The following NAA35 variants were observed in gnomAD, a reference collection of about 807,000 sequenced individuals.
NAA35 encodes the protein MAK10 homolog, amino-acid N-acetyltransferase subunit.
Under a neutral mutation model 101.7 loss-of-function variants are expected in NAA35, and 18 were observed. The ratio of observed to expected loss-of-function variants is 0.18; its 90% CI spans 0.12 to 0.26. The LOEUF is 0.26. Among genes scored for constraint, NAA35 ranks in the 10% least tolerant of loss-of-function variants. The pLI is 1.00. For missense variants in NAA35, 601 were observed against 886.8 expected (o/e 0.68, Z 4.09); for synonymous variants, 267 against 273.1 (o/e 0.98, Z 0.22).
intron 12 of NAA35, 67 bp downstream of exon 12, chr9:85,996,644 C>A: frequency 2.5e-6 from 3 of 1,216,916 alleles, no homozygotes; most frequent in African/African-American, 1.6e-5. Flanking sequence ...AATAATTGTA[C>A]ATATTTATGT....
At chr9:86,014,241 A>G (rs1255009412) in intron 17 of NAA35, 1 of 313,718 alleles carries the variant, frequency 3.2e-6, no homozygotes, top group South Asian at 1.2e-4. Context: ...GTTAAACATC[A>G]AATTGGAATG....
At chr9:86,013,255 C>A in intron 16 of NAA35, 111 bp downstream of exon 16, 1 of 571,302 alleles carries the variant, frequency 1.8e-6, no homozygotes, top group Non-Finnish European at 2.9e-6. Flanking sequence ...CAACATGATC[C>A]ACTTTTCACT....
At chr9:85,994,209 A>G (rs1428535546) in intron 11 of NAA35, among the ~76,000 whole-genome samples, 1 of 152,214 alleles carries the variant, frequency 6.6e-6, no homozygotes, top group African/African-American at 2.4e-5. Flanking sequence ...TAAGTATACA[A>G]TTCACTAGCA....
intron 3 of NAA35, 96 bp downstream of exon 3, chr9:85,956,489 T>A: frequency 4.6e-6 from 3 of 648,630 alleles, no homozygotes; most frequent in Non-Finnish European, 7.2e-6. Flanking sequence ...TGAGTAAATT[T>A]ACGTTTCAAA....
In NAA35 at chr9:85,944,110, G is replaced by A. The variant is rs183405965; in HGVS notation, c.124+1827G>A. Among the ~76,000 whole-genome samples the A allele has an allele frequency of 8.1e-4, 124 of 152,290 alleles. 1 individual carries two copies. Among genetic ancestry groups the A allele is most frequent in the African/African-American group, 8.7e-4 (36 of 41,562 alleles). On this transcript the variant is annotated intron_variant, in intron 2 of 22. Coordinates refer to ENST00000361671, the MANE Select transcript of NAA35 (RefSeq NM_024635.4). ...TCAGTACAGTGGCTTGGACCAAGTAGCTTCTCAGTAAGTAATGTAGTAAGC... is the reference window on the plus strand; with the variant it reads ...TCAGTACAGTGGCTTGGACCAAGTAACTTCTCAGTAAGTAATGTAGTAAGC...
intron 16 of NAA35, 66 bp from the exon 17 acceptor site, chr9:86,013,653 T>G (rs1832064949): frequency 6.9e-7 from 1 of 1,449,830 alleles, no homozygotes; most frequent in East Asian, 2.3e-5. Flanking sequence ...TGTACGTTTT[T>G]TTAAAGTTCT....
chr9:86,007,035 A>G (rs1831675424), intron 13 of NAA35, among the ~76,000 whole-genome samples: 1 of 152,222 alleles, frequency 6.6e-6, no homozygotes, highest in African/African-American at 2.4e-5. Context: ...ATAGCCATTT[A>G]CTATTTCATA....
chr9:85,993,620 G>T (rs368604500), intron 11 of NAA35, among the ~76,000 whole-genome samples: 1 of 152,138 alleles, frequency 6.6e-6, no homozygotes, highest in African/African-American at 2.4e-5. Flanking sequence ...ATATTTTTCA[G>T]ACCATTGAAC....
At chr9:85,985,103 AC>A (rs1196598191) in intron 11 of NAA35, among the ~76,000 whole-genome samples, 1 of 152,236 alleles carries the variant, frequency 6.6e-6, no homozygotes, top group Non-Finnish European at 1.5e-5. Flanking sequence ...ATGAAAAGTT[AC>A]TGCGGCCCAC....
intron 5 of NAA35, among the ~76,000 whole-genome samples, chr9:85,960,642 C>G (rs1829474160): frequency 6.6e-6 from 1 of 152,178 alleles, no homozygotes; most frequent in Non-Finnish European, 1.5e-5. Flanking sequence ...TGTCTCTTTA[C>G]CCCCTCAAAG....
At chr9:86,020,230 A>G (rs1020818665) in intron 21 of NAA35, among the ~76,000 whole-genome samples, 7 of 152,172 alleles carry the variant, frequency 4.6e-5, no homozygotes, top group Non-Finnish European at 7.4e-5. Context: ...TTTAAAAATT[A>G]TATGTACCAT....
At chr9:85,997,362 TA>T (rs940921313) in intron 12 of NAA35, among the ~76,000 whole-genome samples, 1 of 150,650 alleles carries the variant, frequency 6.6e-6, no homozygotes, top group African/African-American at 2.4e-5. Flanking sequence ...TTTTTTTTGA[TA>T]GGGGGTTTCC....
chr9:85,955,602 A>T (rs1829240680), intron 2 of NAA35, among the ~76,000 whole-genome samples: 1 of 151,934 alleles, frequency 6.6e-6, no homozygotes, highest in Admixed American at 6.6e-5. Flanking sequence ...TGACCTCGTG[A>T]TCCACCCGCC....
At chr9:85,954,665 A>C (rs918887855) in intron 2 of NAA35, among the ~76,000 whole-genome samples, 18 of 152,168 alleles carry the variant, frequency 1.2e-4, no homozygotes, top group African/African-American at 3.9e-4. Flanking sequence ...TGAAGAGTAC[A>C]TGATTAGTTT....
intron 2 of NAA35, among the ~76,000 whole-genome samples, chr9:85,943,571 CAGTG>C (rs1400896326): frequency 6.6e-6 from 1 of 152,076 alleles, no homozygotes; most frequent in Non-Finnish European, 1.5e-5. Context: ...TTTATAGCCT[CAGTG>C]AGACAGTGGA....
At chr9:85,941,616 G>A in intron 1 of NAA35, 1 of 986,392 alleles carries the variant, frequency 1.0e-6, no homozygotes, top group Non-Finnish European at 1.2e-6. Flanking sequence ...GTGTGCCTCG[G>A]CCCTAGGCCC....
At chr9:85,989,380 A>C (rs144369313) in intron 11 of NAA35, among the ~76,000 whole-genome samples, 2,133 of 152,266 alleles carry the variant, frequency 0.014, 47 homozygotes, top group African/African-American at 0.047. Flanking sequence ...TTGAGGCAGG[A>C]GAATCGCTTG....
intron 2 of NAA35, 59 bp from the exon 3 acceptor site, chr9:85,956,301 C>A: frequency 1.9e-6 from 2 of 1,044,848 alleles, no homozygotes; most frequent in Admixed American, 2.8e-5. Context: ...TCTTTTTTTT[C>A]TTAGAATTAA....
At chr9:86,007,613 T>C (rs1831705755) in intron 14 of NAA35, 149 bp downstream of exon 14, 1 of 546,310 alleles carries the variant, frequency 1.8e-6, no homozygotes, top group African/African-American at 1.9e-5. Context: ...AATTGATCTC[T>C]GCCACATTGT....
Sources: allele counts gnomAD v4.1 joint callset (sites outside exome capture counted in the v4.1 genomes callset), GRCh38; gene constraint gnomAD v4.1.1; transcripts MANE v1.5; gene names NCBI Gene and HGNC (gene_info 2026-07-23, HGNC 2026-07-21).